TANC2: variants seen among roughly 807,000 people sequenced by gnomAD.
TANC2 encodes the protein tetratricopeptide repeat, ankyrin repeat and coiled-coil containing 2, also known as protein TANC2.
TANC2 carries 26 observed loss-of-function variants against 210.5 expected under a neutral mutation model. The ratio of observed to expected loss-of-function variants is 0.12; its 90% confidence interval spans 0.09 to 0.17. TANC2 has a LOEUF of 0.17. Ranked by LOEUF, TANC2 falls within the 10% of genes least tolerant of loss-of-function variation. The probability of loss-of-function intolerance (pLI) is 1.00; values close to 1 mark genes in which losing one functional copy is unlikely to be tolerated. For missense variants in TANC2, 2,129 were observed against 2,608.9 expected, an observed-to-expected ratio of 0.82 and a Z score of 4.01; for synonymous variants, 931 against 967.1, an observed-to-expected ratio of 0.96 and a Z score of 0.69.
At chr17:63,067,196 A>G (rs2144596558) in intron 2 of TANC2, among the ~76,000 whole-genome samples, 1 of 152,370 alleles carries the variant, frequency 6.6e-6, no homozygotes, top group South Asian at 2.1e-4. Flanking sequence ...AGATTGACAT[A>G]CAAATTACAT....
chr17:63,261,006 A>G (rs1179342890), intron 8 of TANC2, among the ~76,000 whole-genome samples: 4 of 152,064 alleles, frequency 2.6e-5, no homozygotes, highest in Non-Finnish European at 5.9e-5. Context: ...CCAAGTTACA[A>G]GGATCATTTG....
chr17:63,332,710 T>C (rs1217326063), intron 11 of TANC2, among the ~76,000 whole-genome samples: 1 of 152,120 alleles, frequency 6.6e-6, no homozygotes. Context: ...CCTAGGACTT[T>C]CATAGCTAGA....
chr17:63,328,596 A>G (rs944586399), intron 11 of TANC2, among the ~76,000 whole-genome samples: 2 of 151,780 alleles, frequency 1.3e-5, no homozygotes, highest in Non-Finnish European at 2.9e-5. Flanking sequence ...AACTCATAGA[A>G]GTAAACAGTA....
At chr17:63,283,863 A>G (rs1030968067) in intron 9 of TANC2, among the ~76,000 whole-genome samples, 1 of 151,946 alleles carries the variant, frequency 6.6e-6, no homozygotes, top group African/African-American at 2.4e-5. Flanking sequence ...CTCACTTATG[A>G]GTTCTAATGA....
chr17:63,000,604 G>C (rs2033328636), intron 1 of TANC2, among the ~76,000 whole-genome samples: 1 of 152,168 alleles, frequency 6.6e-6, no homozygotes, highest in African/African-American at 2.4e-5. Flanking sequence ...AATCAGCTAA[G>C]TGTAAGAAAA....
At chr17:63,102,765 G>C (rs2037677526) in intron 4 of TANC2, among the ~76,000 whole-genome samples, 1 of 152,096 alleles carries the variant, frequency 6.6e-6, no homozygotes, top group African/African-American at 2.4e-5. Flanking sequence ...AGAGAATGAA[G>C]TATGAGGGAC....
At chr17:62,991,307 G>T (rs537566492) in intron 1 of TANC2, among the ~76,000 whole-genome samples, 1 of 152,146 alleles carries the variant, frequency 6.6e-6, no homozygotes, top group East Asian at 1.9e-4. Context: ...TGCGTGTGTG[G>T]GTTCTGTGTC....
intron 14 of TANC2, among the ~76,000 whole-genome samples, chr17:63,376,437 G>T (rs1046215479): frequency 1.3e-5 from 2 of 152,152 alleles, no homozygotes; most frequent in African/African-American, 4.8e-5. Context: ...CATTTCCTCT[G>T]CTGGCACTCA....
intron 2 of TANC2, among the ~76,000 whole-genome samples, chr17:63,063,703 G>T (rs2036092163): frequency 7.0e-6 from 1 of 142,674 alleles, no homozygotes. Context: ...TGTGTGTAGA[G>T]ATATATCTCT....
chr17:63,195,032 A>G (rs934234002), intron 6 of TANC2, among the ~76,000 whole-genome samples: 16 of 152,304 alleles, frequency 1.1e-4, no homozygotes, highest in Middle Eastern at 3.4e-3. Flanking sequence ...TGAAGAGTCT[A>G]TATCACATAC....
At chr17:63,354,730 G>A in intron 13 of TANC2, 53 bp from the exon 14 acceptor site, 3 of 1,521,744 alleles carry the variant, frequency 2.0e-6, no homozygotes, top group African/African-American at 1.4e-5. Flanking sequence ...TATCACAAGA[G>A]TTAGGGGAAA....
At position 63,115,109 on chromosome 17, in the gene TANC2, A is replaced by G. The variant is rs2038203257; in HGVS notation, c.322+15752A>G. Reference sequence around the variant, plus strand: ...GTTGCTCTTTTTACCTAAGATATTGAATAATTAGTATTCTAAAAAGTCACA... The same window carrying G: ...GTTGCTCTTTTTACCTAAGATATTGGATAATTAGTATTCTAAAAAGTCACA... On this transcript the variant is annotated intron_variant, in intron 4 of 27. Coordinates refer to ENST00000689528, the Ensembl canonical transcript of TANC2. Among the ~76,000 whole-genome samples the G allele has an allele frequency of 2.0e-5, 3 of 152,180 alleles. No individual in the cohort carries two copies. The South Asian group carries it at 6.2e-4, about 31-fold the overall frequency.
intron 4 of TANC2, chr17:63,124,978 C>T (rs984996392): frequency 2.0e-5 from 3 of 152,186 alleles, no homozygotes; most frequent in Non-Finnish European, 4.4e-5. Flanking sequence ...AGATTGGGGA[C>T]CACTGATACA....
chr17:63,113,455 C>T (rs2038131108), intron 4 of TANC2, among the ~76,000 whole-genome samples: 1 of 152,154 alleles, frequency 6.6e-6, no homozygotes, highest in Non-Finnish European at 1.5e-5. Context: ...GTCCGTCAGT[C>T]ATTCATGTCG....
intron 5 of TANC2, among the ~76,000 whole-genome samples, chr17:63,163,738 A>G (rs2145502401): frequency 6.6e-6 from 1 of 152,362 alleles, no homozygotes; most frequent in Middle Eastern, 3.4e-3. Flanking sequence ...TCCTGTATTC[A>G]TAGACCTCGT....
At chr17:63,183,622 A>G (rs1376184496) in intron 5 of TANC2, among the ~76,000 whole-genome samples, 1 of 152,196 alleles carries the variant, frequency 6.6e-6, no homozygotes, top group Non-Finnish European at 1.5e-5. Context: ...TGTGTCATAC[A>G]TGCATGTGAG....
At chr17:63,267,603 T>G in intron 8 of TANC2, 145 bp from the exon 9 acceptor site, 7 of 658,794 alleles carry the variant, frequency 1.1e-5, no homozygotes, top group Non-Finnish European at 1.6e-5. Context: ...AGGCATAAAA[T>G]ACATGTATTT....
chr17:63,268,767 C>A (rs1197277608), intron 9 of TANC2, among the ~76,000 whole-genome samples: 1 of 152,146 alleles, frequency 6.6e-6, no homozygotes, highest in African/African-American at 2.4e-5. Flanking sequence ...ATGCTACATG[C>A]TTCTCCAAGC....
intron 5 of TANC2, among the ~76,000 whole-genome samples, chr17:63,176,577 G>A (rs559745725): frequency 2.6e-5 from 4 of 152,168 alleles, no homozygotes; most frequent in African/African-American, 7.2e-5. Context: ...AGGCTGAGGC[G>A]GACGGATCAC....
Sources: allele counts gnomAD v4.1 joint callset (sites outside exome capture counted in the v4.1 genomes callset), GRCh38; gene constraint gnomAD v4.1.1; transcripts MANE v1.5; gene names NCBI Gene and HGNC (gene_info 2026-07-23, HGNC 2026-07-21).